The following SPIDR variants were observed in gnomAD, a reference collection of about 807,000 sequenced individuals.
The protein encoded by SPIDR is DNA repair-scaffolding protein.
In SPIDR, 93 loss-of-function variants were observed where a neutral mutation model predicts 104.6. The observed-to-expected ratio is 0.89, with a 90% CI of 0.75 to 1.06. The LOEUF is 1.06. Among genes scored for constraint, SPIDR ranks in the 50% least tolerant of loss-of-function variants. SPIDR has a pLI of 0.00. For missense variants in SPIDR, 1,154 were observed against 1,111.2 expected, an observed-to-expected ratio of 1.04 and a Z score of -0.55; for synonymous variants, 431 against 416.9, an observed-to-expected ratio of 1.03 and a Z score of -0.41.
In SPIDR at chr8:47,729,052, G is replaced by A. The variant is rs756143904; in HGVS notation, c.2550+5G>A. On this transcript the variant is annotated splice_donor_5th_base_variant and intron_variant, in intron 18 of 19. Coordinates refer to ENST00000297423, the MANE Select transcript of SPIDR (RefSeq NM_001080394.4). The stretch of plus-strand genomic sequence containing the variant: ...CAGTGCAGAGTGAAGGTCAAGGTAG[G>A]AGCCAGGCCAGAGCACGCACGCACT... 3.1e-5 allele frequency: 50 copies of A among 1,613,586 alleles called. No homozygotes were observed. Among genetic ancestry groups the A allele is most frequent in the Non-Finnish European group, 4.1e-5 (48 of 1,179,952 alleles).
intron 17 of SPIDR, among the ~76,000 whole-genome samples, chr8:47,727,562 A>T (rs1225605600): frequency 6.6e-6 from 1 of 152,146 alleles, no homozygotes; most frequent in East Asian, 1.9e-4. Context: ...CAGGAGAATT[A>T]AAAAAACAGG....
intron 8 of SPIDR, among the ~76,000 whole-genome samples, chr8:47,452,769 G>A (rs1475485955): frequency 1.3e-5 from 2 of 152,270 alleles, no homozygotes; most frequent in African/African-American, 4.8e-5. Flanking sequence ...TGAATGGGCA[G>A]AAACTGGAAG....
At chr8:47,623,304 G>A (rs1014327218) in intron 10 of SPIDR, among the ~76,000 whole-genome samples, 2 of 152,116 alleles carry the variant, frequency 1.3e-5, no homozygotes, top group East Asian at 1.9e-4. Context: ...AAAGACCATC[G>A]AGGCTAGGAA....
intron 8 of SPIDR, among the ~76,000 whole-genome samples, chr8:47,467,740 A>G (rs1554718460): frequency 1.3e-5 from 2 of 152,240 alleles, no homozygotes; most frequent in African/African-American, 2.4e-5. Context: ...AAAAACCCAC[A>G]GCCAACATCA....
rs1404359709 is a variant in SPIDR, at chr8:47,421,032, T to G, written c.877+13071T>G. Among the ~76,000 whole-genome samples, 3 of 152,250 alleles carry G rather than the reference T, an allele frequency of 2.0e-5. No individual in the cohort carries two copies. In the East Asian group the frequency reaches 5.8e-4, roughly 29 times the overall value. On this transcript the variant is annotated intron_variant, in intron 7 of 19. Transcript: ENST00000297423. ...GGGTAACCCCACCTTTCTCTCTGGC[T>G]GCCCTTAACATTTTTTCCTCCATTT...
chr8:47,427,957 T>C (rs1045566478), intron 7 of SPIDR, among the ~76,000 whole-genome samples: 3 of 152,232 alleles, frequency 2.0e-5, no homozygotes. Flanking sequence ...AGTCTCACTC[T>C]GTCACCCCAG....
At position 47,396,541 on chromosome 8, in the gene SPIDR, A is replaced by G; in HGVS notation, c.691A>G (p.Thr231Ala). ...ACTGATAGATCCAAGGACAAAATCA[A>G]CAGAGACCATTTTGCATACACCTCA... ...ERLIDPRTKS[T>A]ETILHTPQKP... Residue 231 changes from threonine to alanine, a missense_variant, in exon 6 of 20, where the codon ACA (threonine) becomes GCA (alanine). Physicochemically the swap from Thr to Ala is moderately conservative, Grantham distance 58. Coordinates refer to ENST00000297423, the MANE Select transcript of SPIDR (RefSeq NM_001080394.4). The G allele has an allele frequency of 1.9e-6, 3 of 1,614,176 alleles. No individual in the cohort carries two copies. The highest frequency in any genetic ancestry group is 1.3e-5 in the African/African-American group (1 of 75,056).
At chr8:47,535,352 C>T (rs1233520473) in intron 8 of SPIDR, among the ~76,000 whole-genome samples, 4 of 152,076 alleles carry the variant, frequency 2.6e-5, no homozygotes, top group Non-Finnish European at 5.9e-5. Context: ...CTTTTCACCA[C>T]TCACAGATTG....
At chr8:47,379,852 C>T (rs574729779) in intron 5 of SPIDR, among the ~76,000 whole-genome samples, 33 of 152,224 alleles carry the variant, frequency 2.2e-4, no homozygotes, top group African/African-American at 7.9e-4. Flanking sequence ...CCCCTGGGCC[C>T]ACAGCTCAGG....
At chr8:47,377,694 A>C (rs1158318239) in intron 5 of SPIDR, among the ~76,000 whole-genome samples, 1 of 152,246 alleles carries the variant, frequency 6.6e-6, no homozygotes, top group Non-Finnish European at 1.5e-5. Flanking sequence ...TTGTTTGCAC[A>C]GACTGTGTAG....
intron 10 of SPIDR, among the ~76,000 whole-genome samples, chr8:47,609,098 A>G (rs762259646): frequency 6.6e-6 from 1 of 152,166 alleles, no homozygotes; most frequent in Non-Finnish European, 1.5e-5. Context: ...TCCTTTGCCT[A>G]TTTTTAAAGT....
rs1233433580 is a variant in SPIDR at position 47,582,342 on chromosome 8, G to GA, written c.1098-13462dup. 3.3e-5 allele frequency among the ~76,000 whole-genome samples: 5 copies of GA among 151,964 alleles called. No individual in the cohort carries two copies. The East Asian group carries it at 5.8e-4, about 18-fold the overall frequency. ...TTGATTTAATTTGTTGCTAAGCACA[G>GA]AAAAAAATCAAGAAAACCTAACTAG... On this transcript the variant is annotated intron_variant, in intron 8 of 19. Coordinates refer to ENST00000297423, the MANE Select transcript of SPIDR (RefSeq NM_001080394.4).
At chr8:47,350,957 C>T (rs2053393661) in intron 5 of SPIDR, among the ~76,000 whole-genome samples, 1 of 152,152 alleles carries the variant, frequency 6.6e-6, no homozygotes, top group South Asian at 2.1e-4. Context: ...TCTCTTGTCA[C>T]CCCATTCTGT....
chr8:47,333,727 GTAAGTCTGTTTACAACAGCT>G (rs1169799853), intron 5 of SPIDR, among the ~76,000 whole-genome samples: 1 of 152,180 alleles, frequency 6.6e-6, no homozygotes, highest in Non-Finnish European at 1.5e-5. Flanking sequence ...GCAGCATACA[GTAAGTCTGTTTACAACAGCT>G]TCACCATGAA....
chr8:47,550,098 G>C (rs1315335047), intron 8 of SPIDR, among the ~76,000 whole-genome samples: 3 of 152,100 alleles, frequency 2.0e-5, no homozygotes, highest in Admixed American at 6.5e-5. Context: ...TTATTTCTGA[G>C]GGCTCTGTTC....
At chr8:47,276,312 A>G (rs1457978885) in intron 1 of SPIDR, among the ~76,000 whole-genome samples, 1 of 152,226 alleles carries the variant, frequency 6.6e-6, no homozygotes, top group Non-Finnish European at 1.5e-5. Flanking sequence ...AGCAGTATAC[A>G]ATATCGCTTG....
chr8:47,501,828 A>G (rs1339375597), intron 8 of SPIDR, among the ~76,000 whole-genome samples: 1 of 152,086 alleles, frequency 6.6e-6, no homozygotes, highest in Non-Finnish European at 1.5e-5. Flanking sequence ...ATCAATACCT[A>G]ATTTATTGAG....
At chr8:47,569,130 A>G (rs991099298) in intron 8 of SPIDR, among the ~76,000 whole-genome samples, 3 of 152,234 alleles carry the variant, frequency 2.0e-5, no homozygotes, top group African/African-American at 7.2e-5. Flanking sequence ...TAGGTATATC[A>G]TTGTAGATAA....
intron 10 of SPIDR, among the ~76,000 whole-genome samples, chr8:47,647,651 A>AGAGAGAGAGAGG (rs1563416092): frequency 1.6e-5 from 2 of 121,976 alleles, no homozygotes; most frequent in Non-Finnish European, 3.7e-5. Flanking sequence ...AGAGAGAGAG[A>AGAGAGAGAGAGG]GAGGGAGAGA....
Sources: allele counts gnomAD v4.1 joint callset (sites outside exome capture counted in the v4.1 genomes callset), GRCh38; gene constraint gnomAD v4.1.1; transcripts MANE v1.5; gene names NCBI Gene and HGNC (gene_info 2026-07-23, HGNC 2026-07-21).